TOP3A: variants seen among roughly 807,000 people sequenced by gnomAD.
TOP3A encodes DNA topoisomerase 3-alpha.
Under a neutral mutation model 111.3 loss-of-function variants are expected in TOP3A, and 64 were observed. The observed-to-expected ratio is 0.57, with a 90% CI of 0.47 to 0.71. The LOEUF is 0.71. Ranked by LOEUF, TOP3A falls within the 30% of genes least tolerant of loss-of-function variation. The pLI is 0.00. For missense variants in TOP3A, 1,104 were observed against 1,285.0 expected (o/e 0.86, Z 2.15); for synonymous variants, 484 against 485.1 (o/e 1.00, Z 0.03).
intron 13 of TOP3A, among the ~76,000 whole-genome samples, chr17:18,285,874 T>C (rs1980061753): frequency 6.6e-6 from 1 of 152,138 alleles, no homozygotes; most frequent in Non-Finnish European, 1.5e-5. Context: ...CCTTTCAAAA[T>C]GTAGCTCTGC....
At chr17:18,305,343 G>T in intron 4 of TOP3A, 123 bp from the exon 5 acceptor site, 1 of 782,110 alleles carries the variant, frequency 1.3e-6, no homozygotes, top group Non-Finnish European at 2.1e-6. Context: ...AACTTGGCAA[G>T]GGAAAGAGAA....
chr17:18,282,695 C>CA lies in TOP3A; in HGVS notation c.2021+2dup. The CA allele has an allele frequency of 6.2e-7, 1 of 1,613,138 alleles. No homozygotes were observed. The highest frequency in any genetic ancestry group is 8.5e-7 in the Non-Finnish European group (1 of 1,179,890). ...AGGTGGGGGCAGAAGGCAGCGCACT[C>CA]ACCCGCCATTCTTCTTGGTCTTAAG... On this transcript the variant is annotated splice_region_variant and intron_variant, in intron 16 of 18. Coordinates refer to ENST00000321105, the MANE Select transcript of TOP3A (RefSeq NM_004618.5).
chr17:18,281,504 T>C (rs1029358448), intron 16 of TOP3A, among the ~76,000 whole-genome samples: 2 of 152,140 alleles, frequency 1.3e-5, no homozygotes, highest in African/African-American at 4.8e-5. Flanking sequence ...GTAGTTATTC[T>C]CTCTCCTTAT....
intron 1 of TOP3A, among the ~76,000 whole-genome samples, chr17:18,311,372 C>G (rs1320174316): frequency 6.6e-6 from 1 of 152,230 alleles, no homozygotes; most frequent in East Asian, 1.9e-4. Flanking sequence ...AGGCTCACTG[C>G]AAGCTCCACT....
rs779222951 is a variant in TOP3A, at chr17:18,306,885, C to T, written c.390+6G>A. On this transcript the variant is annotated splice_donor_region_variant and intron_variant, in intron 4 of 18. Coordinates refer to ENST00000321105, the MANE Select transcript of TOP3A (RefSeq NM_004618.5). ...TCAGTGCCATATGTCTTCCAAAAGA[C>T]CCTACCTTGATGTCTACAAAATTCT... 1 of 1,601,452 alleles carries T rather than the reference C, an allele frequency of 6.2e-7. No individual in the cohort carries two copies. Among genetic ancestry groups the T allele is most frequent in the East Asian group, 2.2e-5 (1 of 44,830 alleles).
chr17:18,277,185 CAAAAA>C (rs34363304), intron 18 of TOP3A, among the ~76,000 whole-genome samples: 4 of 96,480 alleles, frequency 4.1e-5, no homozygotes, highest in Admixed American at 1.2e-4. Context: ...ACTCAGTCTC[CAAAAA>C]AAAAAAAAAA....
intron 18 of TOP3A, among the ~76,000 whole-genome samples, chr17:18,276,611 G>A (rs907954501): frequency 6.6e-6 from 1 of 152,224 alleles, no homozygotes; most frequent in African/African-American, 2.4e-5. Flanking sequence ...ACTTGAGGCA[G>A]AGAGGCTAAG....
chr17:18,306,605 G>T, intron 4 of TOP3A: 1 of 270,168 alleles, frequency 3.7e-6, no homozygotes, highest in South Asian at 5.6e-5. Flanking sequence ...TGGAGTTCAT[G>T]TGATCCTGCC....
At chr17:18,297,481 G>A (rs535772826) in intron 9 of TOP3A, among the ~76,000 whole-genome samples, 5 of 152,006 alleles carry the variant, frequency 3.3e-5, no homozygotes, top group South Asian at 2.1e-4. Flanking sequence ...CTCTCTCCAC[G>A]GTCTCCCTCT....
Position 18,302,348 on chromosome 17 carries a change from A to G in TOP3A, c.730T>C (p.Cys244Arg), listed in dbSNP as rs1237665981. ...ACAAAGCCCAGTGTGGGGAACTGGC[A>G]GCTGCCGTAACTGATGAGCTGCTCT... ...LAEQLISYGS[C>R]QFPTLGFVVE... The change falls in exon 7 of 19, where the codon TGC becomes CGC. Residue 244 changes from cysteine to arginine, a missense_variant. Transcript: ENST00000321105. 6.2e-7 allele frequency: 1 copy of G among 1,613,062 alleles called. No homozygotes were observed. Among genetic ancestry groups the G allele is most frequent in the Admixed American group, 1.7e-5 (1 of 60,008 alleles).
intron 5 of TOP3A, 94 bp from the exon 6 acceptor site, chr17:18,302,817 G>C (rs1396044632): frequency 6.9e-7 from 1 of 1,459,840 alleles, no homozygotes; most frequent in African/African-American, 1.4e-5. Flanking sequence ...TGAAATAAAG[G>C]CAAACCAGTT....
intron 10 of TOP3A, among the ~76,000 whole-genome samples, chr17:18,293,528 C>T (rs1304380861): frequency 2.0e-5 from 3 of 150,916 alleles, no homozygotes; most frequent in Non-Finnish European, 4.4e-5. Flanking sequence ...CTCAAGTGAT[C>T]CTCCTGCCTA....
At chr17:18,291,721 T>C (rs1170026213) in intron 11 of TOP3A, among the ~76,000 whole-genome samples, 1 of 149,386 alleles carries the variant, frequency 6.7e-6, no homozygotes, top group East Asian at 1.9e-4. Flanking sequence ...GAACATGTAA[T>C]TTTTTTTTTT....
chr17:18,280,494 A>AC, intron 17 of TOP3A, 42 bp downstream of exon 17: 1 of 1,601,850 alleles, frequency 6.2e-7, no homozygotes, highest in South Asian at 1.1e-5. Flanking sequence ...AAGATGGTGT[A>AC]CACACTCCAG....
intron 17 of TOP3A, among the ~76,000 whole-genome samples, chr17:18,279,029 T>C (rs1026143644): frequency 1.3e-5 from 2 of 152,160 alleles, no homozygotes; most frequent in South Asian, 2.1e-4. Flanking sequence ...TCCATGTGTA[T>C]ACAACGGAGT....
intron 11 of TOP3A, among the ~76,000 whole-genome samples, chr17:18,291,814 A>C (rs1980493178): frequency 6.6e-6 from 1 of 151,962 alleles, no homozygotes; most frequent in African/African-American, 2.4e-5. Context: ...TCCTGGGTTC[A>C]AGCGATTCTC....
chr17:18,308,931 A>T lies in TOP3A; in HGVS notation c.191T>A (p.Leu64His). The T allele has an allele frequency of 6.5e-7, 1 of 1,547,112 alleles. No homozygotes were observed. Among genetic ancestry groups the T allele is most frequent in the Non-Finnish European group, 8.8e-7 (1 of 1,136,438 alleles). ...TTCATAGATCTTGTTGAATTTTGAA[A>T]GTCCTTCTCTCTATAAAACAAAAAT... ...SNGRMRRREGLSKFNKIYEFD... is the reference protein window; with the variant it reads ...SNGRMRRREGHSKFNKIYEFD... Residue 64 changes from leucine to histidine, a missense_variant, in exon 2 of 19, where the codon CTT (leucine) becomes CAT (histidine). Leu to His is a moderately conservative substitution (Grantham distance 99). Transcript: ENST00000321105.
In TOP3A at chr17:18,314,661, CCACA is replaced by C. The variant is rs1202259785; in HGVS notation, c.114_117del (p.Cys38TrpfsTer20). On this transcript the variant is annotated frameshift_variant, in exon 1 of 19. Coordinates refer to ENST00000321105, the MANE Select transcript of TOP3A (RefSeq NM_004618.5). LOFTEE classifies it high-confidence loss of function. ...CCCTTGGCCGCGTCGTTTTTTTCGGCCACACAGAGGACTTTCCGCACGCCTCGGA... is the reference window on the plus strand; with the variant it reads ...CCCTTGGCCGCGTCGTTTTTTTCGGCCAGAGGACTTTCCGCACGCCTCGGA... 6 of 1,613,384 alleles carry C rather than the reference CCACA, an allele frequency of 3.7e-6. No homozygotes were observed. Among genetic ancestry groups the C allele is most frequent in the Non-Finnish European group, 5.1e-6 (6 of 1,179,716 alleles).
intron 11 of TOP3A, among the ~76,000 whole-genome samples, chr17:18,292,003 C>T (rs760791284): frequency 4.6e-5 from 7 of 152,140 alleles, no homozygotes; most frequent in Non-Finnish European, 8.8e-5. Flanking sequence ...TAAGCCACCG[C>T]GTCCGGCCAT....
Sources: allele counts gnomAD v4.1 joint callset (sites outside exome capture counted in the v4.1 genomes callset), GRCh38; gene constraint gnomAD v4.1.1; transcripts MANE v1.5; gene names NCBI Gene and HGNC (gene_info 2026-07-23, HGNC 2026-07-21).